The following MSI2 variants were observed in gnomAD, a reference collection of about 807,000 sequenced individuals.
MSI2 encodes RNA-binding protein Musashi homolog 2.
In MSI2, 17 loss-of-function variants were observed where a neutral mutation model predicts 45.6. The ratio of observed to expected loss-of-function variants is 0.37; its 90% CI spans 0.26 to 0.56. The LOEUF is 0.56. Among genes scored for constraint, MSI2 ranks in the 20% least tolerant of loss-of-function variants. MSI2 has a pLI of 0.77. For missense variants in MSI2, 293 were observed against 444.2 expected (o/e 0.66, Z 3.06); for synonymous variants, 156 against 158.2 (o/e 0.99, Z 0.11).
At chr17:57,620,141 A>C (rs1251966312) in intron 9 of MSI2, among the ~76,000 whole-genome samples, 1 of 152,212 alleles carries the variant, frequency 6.6e-6, no homozygotes, top group Non-Finnish European at 1.5e-5. Flanking sequence ...TCCAGAGGCA[A>C]GAGCTTGGGA....
At position 57,682,408 on chromosome 17, in the gene MSI2, T is replaced by C. The variant is rs1913668242; in HGVS notation, c.*2891T>C. ...AACTGGATTTTTTTAATTTATTTTT[T>C]AAAAGAGGGAGGCATGGTATATTAA... On this transcript the variant is annotated 3_prime_UTR_variant, in exon 14 of 14. Coordinates refer to ENST00000284073, the MANE Select transcript of MSI2 (RefSeq NM_138962.4). The C allele has an allele frequency of 5.4e-6, 1 of 186,434 alleles. No individual in the cohort carries two copies. The highest frequency in any genetic ancestry group is 8.7e-5 in the East Asian group (1 of 11,430). The allele number at this position is 186,434 out of a possible 1,614,324, so 11.5% of individuals were successfully genotyped here.
intron 3 of MSI2, among the ~76,000 whole-genome samples, chr17:57,258,006 A>G (rs533669603): frequency 1.3e-5 from 2 of 152,198 alleles, no homozygotes; most frequent in Admixed American, 1.3e-4. Flanking sequence ...GAGGAAACTG[A>G]GGTGGCCAAA....
intron 6 of MSI2, among the ~76,000 whole-genome samples, chr17:57,520,615 AT>A (rs1332868627): frequency 6.6e-6 from 1 of 152,080 alleles, no homozygotes; most frequent in African/African-American, 2.4e-5. Context: ...TATTTTATAT[AT>A]TTTTTGCCAC....
Position 57,372,860 on chromosome 17 carries a change from G to GT in MSI2, c.313-28510dup, listed in dbSNP as rs900587317. Among the ~76,000 whole-genome samples, 16 of 150,510 alleles carry GT rather than the reference G, an allele frequency of 1.1e-4. No homozygotes were observed. The East Asian group carries it at 1.4e-3, about 13-fold the overall frequency. ...CCCCAATGAGAATGAGGACAGTTTT[G>GT]TTTTTTTTTCCTGCCAAGAGGGATC... On this transcript the variant is annotated intron_variant, in intron 5 of 13. Coordinates refer to ENST00000284073, the MANE Select transcript of MSI2 (RefSeq NM_138962.4).
At chr17:57,490,683 A>C (rs997647778) in intron 6 of MSI2, among the ~76,000 whole-genome samples, 31 of 152,324 alleles carry the variant, frequency 2.0e-4, no homozygotes, top group African/African-American at 7.0e-4. Flanking sequence ...TCATGTTTCA[A>C]GATATCACAG....
At chr17:57,411,036 C>A (rs1163553125) in intron 6 of MSI2, among the ~76,000 whole-genome samples, 1 of 152,158 alleles carries the variant, frequency 6.6e-6, no homozygotes, top group Admixed American at 6.5e-5. Context: ...CAGGGTCTCA[C>A]TATGGTTTCC....
intron 10 of MSI2, among the ~76,000 whole-genome samples, chr17:57,649,652 G>C (rs1377995328): frequency 6.6e-6 from 1 of 152,186 alleles, no homozygotes; most frequent in Non-Finnish European, 1.5e-5. Flanking sequence ...GCCTGGCCCT[G>C]GGAACTCAGT....
chr17:57,459,376 G>A (rs2085179186), intron 6 of MSI2, among the ~76,000 whole-genome samples: 1 of 152,156 alleles, frequency 6.6e-6, no homozygotes, highest in Non-Finnish European at 1.5e-5. Flanking sequence ...CTAGAAAAAG[G>A]CATCACGCGG....
chr17:57,342,953 T>C (rs1915294829), intron 5 of MSI2, among the ~76,000 whole-genome samples: 2 of 152,228 alleles, frequency 1.3e-5, no homozygotes, highest in Non-Finnish European at 2.9e-5. Context: ...CAAATATTTA[T>C]TTAATAATAC....
intron 6 of MSI2, among the ~76,000 whole-genome samples, chr17:57,510,899 A>C (rs1416387160): frequency 6.6e-6 from 1 of 152,188 alleles, no homozygotes; most frequent in Non-Finnish European, 1.5e-5. Flanking sequence ...TTAAATCCCC[A>C]GGGCTAGCTC....
intron 6 of MSI2, chr17:57,448,524 G>C (rs1204963907): frequency 6.6e-6 from 1 of 152,216 alleles, no homozygotes; most frequent in Non-Finnish European, 1.5e-5. Flanking sequence ...GCAGTGGAAA[G>C]CGTGGATTCC....
rs765962917 is a variant in MSI2, at chr17:57,677,025, T to C, written c.984T>C (p.His328=). Reference sequence around the variant, plus strand: ...CAACGGCCTTTACAAATGGATACCATTGAGCAGGTGCTTTCGTTGCCATCT... The same window carrying C: ...CAACGGCCTTTACAAATGGATACCACTGAGCAGGTGCTTTCGTTGCCATCT... ...LIATAFTNGY[H] Residue 328 remains histidine, a synonymous_variant, in exon 13 of 14, where the codon CAT becomes CAC. Coordinates refer to ENST00000284073, the MANE Select transcript of MSI2 (RefSeq NM_138962.4). The C allele has an allele frequency of 9.0e-5, 146 of 1,613,876 alleles. No individual in the cohort carries two copies. The highest frequency in any genetic ancestry group is 1.2e-4 in the Non-Finnish European group (143 of 1,179,824).
In MSI2 at chr17:57,668,550, G is replaced by A. The variant is rs547530860; in HGVS notation, c.791-6422G>A. Among the ~76,000 whole-genome samples the A allele has an allele frequency of 2.3e-3, 345 of 152,196 alleles. 1 individual carries two copies. Among genetic ancestry groups the A allele is most frequent in the South Asian group, 4.8e-3 (23 of 4,816 alleles). ...AACTACAACTTATCATAAGACTGGC[G>A]CCATTGTCACTGACATTTGGAATGT... On this transcript the variant is annotated intron_variant, in intron 11 of 13. Transcript: ENST00000284073.
rs145692660 is a variant in MSI2 at position 57,386,821 on chromosome 17, A to G, written c.313-14558A>G. On this transcript the variant is annotated intron_variant, in intron 5 of 13. Coordinates refer to ENST00000284073, the MANE Select transcript of MSI2 (RefSeq NM_138962.4). ...GTACCTTGTACGTAGCAGACACTCAACAAATGTTTGTGGAGGGAATGATTA... is the reference window on the plus strand; with the variant it reads ...GTACCTTGTACGTAGCAGACACTCAGCAAATGTTTGTGGAGGGAATGATTA... Among the ~76,000 whole-genome samples the G allele has an allele frequency of 2.5e-3, 376 of 152,380 alleles. 1 individual carries two copies. Among genetic ancestry groups the G allele is most frequent in the African/African-American group, 8.7e-3 (362 of 41,592 alleles).
chr17:57,266,663 A>G (rs539292975), intron 5 of MSI2: 5 of 152,206 alleles, frequency 3.3e-5, no homozygotes, highest in Admixed American at 2.6e-4. Context: ...GCCCGACCAG[A>G]TAATTATTTT....
chr17:57,417,844 G>A (rs1448894794), intron 6 of MSI2, among the ~76,000 whole-genome samples: 2 of 152,184 alleles, frequency 1.3e-5, no homozygotes, highest in Non-Finnish European at 1.5e-5. Context: ...TTGAAAGTCT[G>A]TATCAGGTGT....
At chr17:57,304,010 G>A (rs1017343611) in intron 5 of MSI2, among the ~76,000 whole-genome samples, 1 of 152,116 alleles carries the variant, frequency 6.6e-6, no homozygotes, top group Non-Finnish European at 1.5e-5. Context: ...GGAGCAGGGA[G>A]GGAGAGCTTT....
At chr17:57,645,166 G>C (rs1910559460) in intron 10 of MSI2, among the ~76,000 whole-genome samples, 1 of 152,104 alleles carries the variant, frequency 6.6e-6, no homozygotes, top group Non-Finnish European at 1.5e-5. Context: ...AAAAGACACA[G>C]AGACCCGGCT....
Position 57,529,912 on chromosome 17 carries a change from G to A in MSI2, c.454+188G>A, listed in dbSNP as rs186974913. ...CAAAGAGTTCCAGTACTGGATAGCT[G>A]AAAAACCATTTCCTTCTGGCCTAGG... On this transcript the variant is annotated intron_variant, in intron 7 of 13. Transcript: ENST00000284073. This position sits in a 1 kb window ranked among gnomAD's most constrained non-coding sequence, Gnocchi z 5.3. 2.1e-4 allele frequency among the ~76,000 whole-genome samples: 32 copies of A among 152,208 alleles called. No individual in the cohort carries two copies. The East Asian group carries it at 5.8e-3, about 28-fold the overall frequency.
Sources: allele counts gnomAD v4.1 joint callset (sites outside exome capture counted in the v4.1 genomes callset), GRCh38; gene constraint gnomAD v4.1.1; non-coding constraint Gnocchi (gnomAD v3.1); transcripts MANE v1.5; gene names NCBI Gene and HGNC (gene_info 2026-07-23, HGNC 2026-07-21).